The following ELN variants were observed in gnomAD, a reference collection of about 807,000 sequenced individuals.
ELN encodes tropoelastin.
ELN carries 65 observed loss-of-function variants against 105.8 expected under a neutral mutation model. That is an observed-to-expected ratio of 0.61 (90% CI 0.50 to 0.75). The LOEUF is 0.75. Ranked by LOEUF, ELN falls within the 30% of genes least tolerant of loss-of-function variation. The probability of loss-of-function intolerance (pLI) is 0.00; values close to 1 mark genes in which losing one functional copy is unlikely to be tolerated. For missense variants in ELN, 882 were observed against 969.4 expected, an observed-to-expected ratio of 0.91 and a Z score of 1.20; for synonymous variants, 368 against 389.2, an observed-to-expected ratio of 0.95 and a Z score of 0.64.
chr7:74,048,991 GCATC>G (rs1277008660), intron 15 of ELN, among the ~76,000 whole-genome samples: 4 of 120,478 alleles, frequency 3.3e-5, no homozygotes, highest in African/African-American at 1.0e-4. Flanking sequence ...ACACATCCAT[GCATC>G]CATCCATCCA....
At chr7:74,034,559 G>A (rs188160492) in intron 1 of ELN, among the ~76,000 whole-genome samples, 232 of 152,250 alleles carry the variant, frequency 1.5e-3, no homozygotes, top group Non-Finnish European at 1.1e-3. Flanking sequence ...AAATCAATTA[G>A]CCAGATGTGG....
Position 74,043,011 on chromosome 7 carries a change from TTGG to T in ELN, c.357_359del (p.Gly120del). 1 of 1,613,694 alleles carries T rather than the reference TTGG, an allele frequency of 6.2e-7. No individual in the cohort carries two copies. Among genetic ancestry groups the T allele is most frequent in the Non-Finnish European group, 8.5e-7 (1 of 1,179,918 alleles). On this transcript the variant is annotated inframe_deletion, in exon 7 of 33. Coordinates refer to ENST00000252034, the MANE Select transcript of ELN (RefSeq NM_000501.4). ...GCTGGGCTTGGTGGTGTCCCAGGAG[TTGG>T]TGGCTTAGGAGTGTCTGCAGGTACG...
intron 1 of ELN, among the ~76,000 whole-genome samples, chr7:74,030,884 C>A (rs551197830): frequency 6.6e-6 from 1 of 152,122 alleles, no homozygotes; most frequent in Admixed American, 6.5e-5. Context: ...GTTTAGAGGT[C>A]GATCCCGCTC....
rs372826560 is a variant in ELN at position 74,065,998 on chromosome 7, G to A, written c.2086+1G>A. On this transcript the variant is annotated splice_donor_variant, in intron 31 of 32. Transcript: ENST00000252034. LOFTEE classifies it high-confidence loss of function. ...GGTGCCGGGCAGTTCCCACTTGGAG[G>A]TAGGGGTGGCCAGCTCTGCTACGTA... is the stretch of plus-strand genomic sequence containing the variant. 6.2e-7 allele frequency: 1 copy of A among 1,614,094 alleles called. No individual in the cohort carries two copies.
At position 74,052,400 on chromosome 7, in the gene ELN, T is replaced by C. The variant is rs1554676656; in HGVS notation, c.949+417T>C. 2.1e-5 allele frequency: 5 copies of C among 241,628 alleles called. No individual in the cohort carries two copies. The East Asian group carries it at 5.0e-4, about 24-fold the overall frequency. The allele number at this position is 241,628 out of a possible 1,614,324, so 15.0% of individuals were successfully genotyped here. A position where few individuals can be genotyped will look rare whatever the true frequency, so the allele number is the denominator to read the frequency against. On this transcript the variant is annotated intron_variant, in intron 17 of 32. Coordinates refer to ENST00000252034, the MANE Select transcript of ELN (RefSeq NM_000501.4). ...GAGTTTGAGACCAGCCTGAGCAACA[T>C]ACTGAGACCCCATCTTTCCAAAAAG...
At chr7:74,046,031 A>G in intron 10 of ELN, 157 bp from the exon 11 acceptor site, 6 of 1,006,110 alleles carry the variant, frequency 6.0e-6, no homozygotes, top group Non-Finnish European at 6.0e-6. Context: ...GCGAAACTCC[A>G]TCTCCGAAAA....
In ELN at chr7:74,035,510, T is replaced by C. The variant is rs570271554; in HGVS notation, c.133+96T>C. 2.1e-6 allele frequency: 3 copies of C among 1,440,670 alleles called. No individual in the cohort carries two copies. The South Asian group carries it at 3.5e-5, about 17-fold the overall frequency. The allele number at this position is 1,440,670 out of a possible 1,614,324, so 89.2% of individuals were successfully genotyped here. A position where few individuals can be genotyped will look rare whatever the true frequency, so the allele number is the denominator to read the frequency against. Reference sequence around the variant, plus strand: ...TTGACACTACAGAAGGTAGGAACATTGACACGCCTACCAGAAGTCACACCC... The same window carrying C: ...TTGACACTACAGAAGGTAGGAACATCGACACGCCTACCAGAAGTCACACCC... On this transcript the variant is annotated intron_variant, in intron 2 of 32. Coordinates refer to ENST00000252034, the MANE Select transcript of ELN (RefSeq NM_000501.4).
intron 6 of ELN, 127 bp downstream of exon 6, chr7:74,042,833 TG>T: frequency 1.3e-6 from 2 of 1,532,078 alleles, no homozygotes; most frequent in Non-Finnish European, 8.9e-7. Context: ...TGCAATCTAC[TG>T]GGGCTCAGGG....
intron 22 of ELN, among the ~76,000 whole-genome samples, chr7:74,058,218 TTTC>T (rs145471059): frequency 0.015 from 2,316 of 149,508 alleles, 56 homozygotes; most frequent in African/African-American, 0.052. Context: ...CTTCTTCTTC[TTTC>T]TTCTTCTTCT....
chr7:74,046,276 G>A, intron 11 of ELN, 59 bp downstream of exon 11: 1 of 1,612,062 alleles, frequency 6.2e-7, no homozygotes, highest in Middle Eastern at 1.7e-4. Flanking sequence ...TCTGGCGTTG[G>A]GAGGGGTTGG....
intron 22 of ELN, among the ~76,000 whole-genome samples, chr7:74,058,821 C>T (rs1435478802): frequency 6.6e-6 from 1 of 152,210 alleles, no homozygotes; most frequent in Admixed American, 6.5e-5. Context: ...CCCTAGGGAC[C>T]TGTGGGCTGA....
At position 74,063,429 on chromosome 7, in the gene ELN, G is replaced by A. The variant is rs1797165493; in HGVS notation, c.1918+60G>A. 22 of 1,549,078 alleles carry A rather than the reference G, an allele frequency of 1.4e-5. No homozygotes were observed. The South Asian group carries it at 2.5e-4, about 17-fold the overall frequency. On this transcript the variant is annotated intron_variant, in intron 28 of 32. Coordinates refer to ENST00000252034, the MANE Select transcript of ELN (RefSeq NM_000501.4). This position sits in a 1 kb window ranked among gnomAD's most constrained non-coding sequence, Gnocchi z 4.1. Reference sequence around the variant, plus strand: ...GCCCCCAGGCCCCCAGGGTGTGGGAGGAGCTTCTGACCAGGCACTGTAGAC... The same window carrying A: ...GCCCCCAGGCCCCCAGGGTGTGGGAAGAGCTTCTGACCAGGCACTGTAGAC...
At position 74,046,679 on chromosome 7, in the gene ELN, T is replaced by C; in HGVS notation, c.572-17T>C. ...AGGGGGTGCTGGGACCTGAACTTGC[T>C]CTCTTTATTCCCACAGGAGTTGGAC... On this transcript the variant is annotated splice_polypyrimidine_tract_variant and intron_variant, in intron 11 of 32. Transcript: ENST00000252034. 1 of 1,614,130 alleles carries C rather than the reference T, an allele frequency of 6.2e-7. No individual in the cohort carries two copies. Among genetic ancestry groups the C allele is most frequent in the African/African-American group, 1.3e-5 (1 of 75,046 alleles).
intron 10 of ELN, chr7:74,045,790 T>C: frequency 3.2e-6 from 1 of 312,464 alleles, no homozygotes. Context: ...GGCTCATGCC[T>C]GTAATCCCAG....
chr7:74,052,049 C>T (rs1554676517), intron 17 of ELN, 66 bp downstream of exon 17: 15 of 1,588,662 alleles, frequency 9.4e-6, no homozygotes, highest in East Asian at 2.2e-5. Flanking sequence ...AGACCCTAGC[C>T]GCAAAGCCAG....
intron 18 of ELN, among the ~76,000 whole-genome samples, chr7:74,054,141 G>A (rs1374913214): frequency 6.6e-6 from 1 of 152,130 alleles, no homozygotes; most frequent in African/African-American, 2.4e-5. Flanking sequence ...CAGAGAGTTA[G>A]GTGGTTGGGT....
Position 74,042,639 on chromosome 7 carries a change from C to G in ELN, c.258C>G (p.Thr86=). The change falls in exon 6 of 33, where the codon ACC becomes ACG. Residue 86 remains threonine (T), a synonymous_variant. Coordinates refer to ENST00000252034, the MANE Select transcript of ELN (RefSeq NM_000501.4). ...GAGLGAFPAV[T]FPGALVPGGV... ...GGCTCGGCGCCTTCCCCGCAGTTAC[C>G]TTTCCGGGGGCTCTGGTGCCTGGTG... 1.2e-6 allele frequency: 2 copies of G among 1,613,698 alleles called. No individual in the cohort carries two copies. Among genetic ancestry groups the G allele is most frequent in the Non-Finnish European group, 1.7e-6 (2 of 1,180,014 alleles).
chr7:74,059,808 G>T lies in ELN; in HGVS notation c.1415-78G>T, dbSNP rs1035493130. On this transcript the variant is annotated intron_variant, in intron 22 of 32. Coordinates refer to ENST00000252034, the MANE Select transcript of ELN (RefSeq NM_000501.4). ...ACAGCAAATCTATGCCAGGGCCGAG[G>T]CTCCAGCCCTCTTTCCATAAGCTTC... is the stretch of plus-strand genomic sequence containing the variant. 20 of 828,114 alleles carry T rather than the reference G, an allele frequency of 2.4e-5. No homozygotes were observed. In the Admixed American group the frequency reaches 2.5e-4, roughly 11 times the overall value. The allele number at this position is 828,114 out of a possible 1,614,324, so 51.3% of individuals were successfully genotyped here.
At chr7:74,052,444 G>C (rs1383502127) in intron 17 of ELN, 2 of 220,190 alleles carry the variant, frequency 9.1e-6, no homozygotes, top group African/African-American at 4.6e-5. Context: ...AATTATCTAG[G>C]CATGGTGGCA....
Sources: gnomAD v4.1 joint callset for allele counts (sites outside exome capture counted in the v4.1 genomes callset) on GRCh38, gnomAD v4.1.1 for gene constraint, Gnocchi (gnomAD v3.1) non-coding constraint, MANE v1.5 for transcripts, NCBI Gene and HGNC (gene_info 2026-07-23, HGNC 2026-07-21) for gene names.